The following CPVL variants were observed in gnomAD, a reference collection of about 807,000 sequenced individuals.
The protein encoded by CPVL is carboxypeptidase vitellogenic like, also known as probable serine carboxypeptidase CPVL.
CPVL carries 51 observed loss-of-function variants against 63.7 expected under a neutral mutation model. That is an observed-to-expected ratio of 0.80 (90% CI 0.64 to 1.01). CPVL has a LOEUF of 1.01. Ranked by LOEUF, CPVL falls within the 50% of genes least tolerant of loss-of-function variation. The pLI is 0.00. For missense variants in CPVL, 530 were observed against 573.1 expected, an observed-to-expected ratio of 0.92 and a Z score of 0.77; for synonymous variants, 195 against 206.0, an observed-to-expected ratio of 0.95 and a Z score of 0.46.
chr7:29,187,361 G>GTA (rs2128750207), intron 1 of CPVL, among the ~76,000 whole-genome samples: 1 of 152,136 alleles, frequency 6.6e-6, no homozygotes, highest in South Asian at 2.1e-4. Context: ...GTGTGTGTGT[G>GTA]TGTGACAAAG....
In CPVL at chr7:29,030,634, G is replaced by A; in HGVS notation, c.1263C>T (p.Ile421=). The change falls in exon 12 of 13, where the codon ATC becomes ATT. Residue 421 remains isoleucine, a synonymous_variant. Transcript: ENST00000265394. ...YKKAEKKVWK[I]FKSDSEVAGY... ...CAGCCACTTCACTGTCAGATTTAAAGATCTTCCAAACTTTTTTTTCTGCCT... is the reference window on the plus strand; with the variant it reads ...CAGCCACTTCACTGTCAGATTTAAAAATCTTCCAAACTTTTTTTTCTGCCT... 4.3e-6 allele frequency: 7 copies of A among 1,613,852 alleles called. No individual in the cohort carries two copies. The highest frequency in any genetic ancestry group is 5.9e-6 in the Non-Finnish European group (7 of 1,179,914).
intron 12 of CPVL, among the ~76,000 whole-genome samples, chr7:29,019,283 G>C (rs1026862619): frequency 6.6e-6 from 1 of 152,092 alleles, no homozygotes; most frequent in African/African-American, 2.4e-5. Context: ...TCTGCTGCTC[G>C]GATTATATAA....
chr7:29,056,949 CTTTTT>C lies in CPVL; in HGVS notation c.1137+7107_1137+7111del, dbSNP rs70977101. Among the ~76,000 whole-genome samples, 53 of 118,054 alleles carry C rather than the reference CTTTTT, an allele frequency of 4.5e-4. No homozygotes were observed. In the East Asian group the frequency reaches 9.9e-3, roughly 22 times the overall value. The allele number at this position is 118,054 out of a possible 152,430, so 77.4% of individuals were successfully genotyped here. On this transcript the variant is annotated intron_variant, in intron 11 of 12. Coordinates refer to ENST00000265394, the MANE Select transcript of CPVL (RefSeq NM_031311.5). ...ATGATGTTGAACATCTTTTCCTTTT[CTTTTT>C]TTTTTTTTTTTTTTGAGACAGGGTC...
chr7:29,055,055 T>G (rs1019544651), intron 11 of CPVL, among the ~76,000 whole-genome samples: 4 of 152,220 alleles, frequency 2.6e-5, no homozygotes, highest in African/African-American at 7.2e-5. Context: ...AGTTGTTTTA[T>G]CTCTCATATG....
intron 1 of CPVL, among the ~76,000 whole-genome samples, chr7:29,140,165 C>T (rs372017969): frequency 2.6e-5 from 4 of 152,290 alleles, no homozygotes; most frequent in East Asian, 3.9e-4. Context: ...CTCGGCTGGA[C>T]ACAGTGGCTC....
chr7:29,074,682 A>C (rs533734963), intron 7 of CPVL, among the ~76,000 whole-genome samples: 1 of 151,590 alleles, frequency 6.6e-6, no homozygotes, highest in Admixed American at 6.6e-5. Flanking sequence ...GGGAGTTCTC[A>C]CGAGAGCTGA....
intron 2 of CPVL, among the ~76,000 whole-genome samples, chr7:29,113,529 A>C (rs1232096907): frequency 2.0e-5 from 3 of 152,194 alleles, no homozygotes; most frequent in African/African-American, 7.2e-5. Context: ...GGGGATGCTT[A>C]GACAGCCAAG....
chr7:29,184,375 A>G (rs1017801936), intron 4 of CPVL: 1 of 152,052 alleles, frequency 6.6e-6, no homozygotes, highest in African/African-American at 2.4e-5. Flanking sequence ...ATATGACTGT[A>G]TGAGATATAC....
At chr7:29,096,498 T>G (rs1466384279) in intron 3 of CPVL, 1 of 476,924 alleles carries the variant, frequency 2.1e-6, no homozygotes, top group Non-Finnish European at 3.8e-6. Flanking sequence ...GATGCTTGGC[T>G]TGTGCATGCT....
chr7:29,140,974 T>C (rs936973272), intron 1 of CPVL, among the ~76,000 whole-genome samples: 28 of 152,148 alleles, frequency 1.8e-4, no homozygotes, highest in African/African-American at 6.0e-4. Flanking sequence ...TGCATGACCT[T>C]TGTACCAGCT....
intron 9 of CPVL, 75 bp downstream of exon 9, chr7:29,071,696 GGT>G: frequency 6.7e-7 from 1 of 1,488,612 alleles, no homozygotes; most frequent in Admixed American, 2.0e-5. Flanking sequence ...TGAGCACCAA[GGT>G]GTTCCTGCTC....
At chr7:29,070,805 G>A (rs1783657715) in intron 9 of CPVL, among the ~76,000 whole-genome samples, 1 of 152,116 alleles carries the variant, frequency 6.6e-6, no homozygotes, top group South Asian at 2.1e-4. Context: ...CTTGTAAAAT[G>A]AAAAATAACT....
chr7:29,134,905 G>A (rs1791036679), intron 1 of CPVL, among the ~76,000 whole-genome samples: 1 of 151,976 alleles, frequency 6.6e-6, no homozygotes, highest in South Asian at 2.1e-4. Context: ...TTCGAGACCA[G>A]CCTGGGCAAC....
chr7:29,068,995 T>C (rs1443080485), intron 9 of CPVL, among the ~76,000 whole-genome samples: 1 of 151,828 alleles, frequency 6.6e-6, no homozygotes, highest in African/African-American at 2.4e-5. Flanking sequence ...GGTGTCTTTT[T>C]CTAATTTGTT....
At chr7:29,103,103 A>G (rs1202997246) in intron 3 of CPVL, among the ~76,000 whole-genome samples, 1 of 139,698 alleles carries the variant, frequency 7.2e-6, no homozygotes, top group Non-Finnish European at 1.5e-5. Context: ...CCTCCTTTGC[A>G]TCAGAGAGAA....
intron 11 of CPVL, among the ~76,000 whole-genome samples, chr7:29,037,192 A>G (rs1418855339): frequency 6.6e-6 from 1 of 152,146 alleles, no homozygotes; most frequent in African/African-American, 2.4e-5. Context: ...ACTAACTGGC[A>G]GTATTATCTT....
chr7:29,071,713 G>GCCCCCCCCCC, intron 9 of CPVL, 60 bp downstream of exon 9: 1 of 273,500 alleles, frequency 3.7e-6, no homozygotes. Flanking sequence ...CTGCTCACCC[G>GCCCCCCCCCC]CCCTCCCTCC....
chr7:29,005,927 A>C (rs1785150980), intron 12 of CPVL, among the ~76,000 whole-genome samples: 1 of 152,194 alleles, frequency 6.6e-6, no homozygotes, highest in African/African-American at 2.4e-5. Flanking sequence ...TGGAAGAGAG[A>C]ATAAGAGTGG....
At chr7:29,194,970 C>T (rs1287485496) in intron 1 of CPVL, 2 of 1,586,112 alleles carry the variant, frequency 1.3e-6, no homozygotes, top group Non-Finnish European at 1.7e-6. Flanking sequence ...TCCAGCCTGT[C>T]CGGCTCGTCG....
Sources: allele counts gnomAD v4.1 joint callset (sites outside exome capture counted in the v4.1 genomes callset), GRCh38; gene constraint gnomAD v4.1.1; transcripts MANE v1.5; gene names NCBI Gene and HGNC (gene_info 2026-07-23, HGNC 2026-07-21).